Variants in MEMO1 observed in about 807,000 individuals in gnomAD.
MEMO1 encodes the protein mediator of cell motility 1.
Under a neutral mutation model 45.2 loss-of-function variants are expected in MEMO1, and 6 were observed. The observed-to-expected ratio is 0.13, with a 90% CI of 0.07 to 0.26. The LOEUF is 0.26. Ranked by LOEUF, MEMO1 falls within the 10% of genes least tolerant of loss-of-function variation. The pLI, the probability that MEMO1 is intolerant of heterozygous loss-of-function variation, is 1.00. For synonymous variants in MEMO1, 78 were observed against 124.3 expected, an observed-to-expected ratio of 0.63 and a Z score of 2.48; for missense variants, 184 against 370.5, an observed-to-expected ratio of 0.50 and a Z score of 4.13.
chr2:31,975,240 T>C (rs1419609202), intron 2 of MEMO1, among the ~76,000 whole-genome samples: 4 of 152,128 alleles, frequency 2.6e-5, no homozygotes, highest in African/African-American at 4.8e-5. Context: ...GTAAAACTAA[T>C]GTAAAAGAAT....
At chr2:31,978,503 T>C (rs1670270151) in intron 2 of MEMO1, among the ~76,000 whole-genome samples, 1 of 152,254 alleles carries the variant, frequency 6.6e-6, no homozygotes, top group African/African-American at 2.4e-5. Context: ...TGGAGTGCAG[T>C]GGCATGATCA....
chr2:31,966,375 G>A (rs572415128), intron 2 of MEMO1, among the ~76,000 whole-genome samples: 1 of 152,298 alleles, frequency 6.6e-6, no homozygotes, highest in Non-Finnish European at 1.5e-5. Flanking sequence ...GTTTGAAGCA[G>A]ACACCTTTCT....
At chr2:32,000,893 C>A (rs1010266776) in intron 2 of MEMO1, among the ~76,000 whole-genome samples, 2 of 151,966 alleles carry the variant, frequency 1.3e-5, no homozygotes, top group African/African-American at 4.8e-5. Flanking sequence ...AATGTAAACT[C>A]CAGGAATTTT....
intron 8 of MEMO1, among the ~76,000 whole-genome samples, chr2:31,871,215 A>T (rs1673673614): frequency 6.6e-6 from 1 of 152,178 alleles, no homozygotes; most frequent in African/African-American, 2.4e-5. Flanking sequence ...CTGGATTCAT[A>T]CTCTGTGGGA....
chr2:31,951,635 C>T (rs1003629953), intron 2 of MEMO1, among the ~76,000 whole-genome samples: 1 of 151,968 alleles, frequency 6.6e-6, no homozygotes, highest in Non-Finnish European at 1.5e-5. Flanking sequence ...CAGGTTCAAG[C>T]TATTCTCCTG....
chr2:31,895,171 A>T (rs1424775824), intron 6 of MEMO1, among the ~76,000 whole-genome samples: 4 of 152,244 alleles, frequency 2.6e-5, no homozygotes, highest in Non-Finnish European at 5.9e-5. Context: ...AACCGAATCC[A>T]AAGTTACTAT....
chr2:31,990,168 G>T (rs79424141), intron 2 of MEMO1, among the ~76,000 whole-genome samples: 55 of 152,132 alleles, frequency 3.6e-4, no homozygotes, highest in African/African-American at 1.3e-3. Context: ...TCTGGGTGAG[G>T]CCAGATTTTC....
rs1676663421 is a variant in MEMO1, at chr2:31,889,592, T to C, written c.580+2400A>G. ...GATAGCTTAACCCATAACTGGTCAA[T>C]AATTCATAATACTTTAGTCAGCATG... On this transcript the variant is annotated intron_variant, in intron 7 of 9. Coordinates refer to ENST00000404530, the MANE Select transcript of MEMO1 (RefSeq NM_001301833.4). Among the ~76,000 whole-genome samples the C allele has an allele frequency of 2.0e-5, 3 of 152,202 alleles. No homozygotes were observed. In the South Asian group the frequency reaches 6.2e-4, roughly 32 times the overall value.
intron 3 of MEMO1, among the ~76,000 whole-genome samples, chr2:31,938,913 A>G (rs114127436): frequency 0.012 from 1,881 of 150,920 alleles, 21 homozygotes; most frequent in South Asian, 0.024. Context: ...CAGCTTCTGG[A>G]GTAGCTGGGG....
intron 6 of MEMO1, among the ~76,000 whole-genome samples, chr2:31,900,278 C>T (rs1678581441): frequency 6.6e-6 from 1 of 152,176 alleles, no homozygotes; most frequent in Non-Finnish European, 1.5e-5. Flanking sequence ...TTGGAACCAA[C>T]CCAAATGTCC....
intron 2 of MEMO1, among the ~76,000 whole-genome samples, chr2:31,944,934 C>T (rs1171691044): frequency 1.3e-5 from 2 of 152,142 alleles, no homozygotes; most frequent in African/African-American, 4.8e-5. Context: ...TAAATCTTAA[C>T]ATTCTACCTT....
Position 31,952,714 on chromosome 2 carries a change from A to G in MEMO1, c.62-9331T>C, listed in dbSNP as rs552241485. On this transcript the variant is annotated intron_variant, in intron 2 of 9. Transcript: ENST00000404530. ...ATCAAAATATTTATTTTTGCTTGCT[A>G]TTTTTTCATTAGAAAAAAAGCATGC... Among the ~76,000 whole-genome samples the G allele has an allele frequency of 2.6e-5, 4 of 152,202 alleles. No homozygotes were observed. The South Asian group carries it at 8.3e-4, about 32-fold the overall frequency.
At chr2:31,949,524 T>A (rs1347318566) in intron 2 of MEMO1, among the ~76,000 whole-genome samples, 1 of 151,774 alleles carries the variant, frequency 6.6e-6, no homozygotes, top group Non-Finnish European at 1.5e-5. Flanking sequence ...CATGTTCTCA[T>A]TTATTTGTGG....
chr2:31,917,055 C>G (rs1681553452), intron 6 of MEMO1, among the ~76,000 whole-genome samples: 2 of 152,080 alleles, frequency 1.3e-5, no homozygotes, highest in South Asian at 2.1e-4. Flanking sequence ...TAAGCTACAT[C>G]AACATAAAAA....
chr2:31,992,571 T>A (rs1049493492), intron 2 of MEMO1, among the ~76,000 whole-genome samples: 1 of 152,044 alleles, frequency 6.6e-6, no homozygotes, highest in Non-Finnish European at 1.5e-5. Flanking sequence ...ATCACCTGAG[T>A]TCAGGAGTTC....
chr2:32,004,335 T>C (rs189721581), intron 2 of MEMO1, among the ~76,000 whole-genome samples: 23 of 149,760 alleles, frequency 1.5e-4, no homozygotes, highest in Non-Finnish European at 2.5e-4. Flanking sequence ...AACAGCCCAG[T>C]AGAAAAAAAG....
At chr2:31,881,033 TAAAAA>T (rs201867050) in intron 8 of MEMO1, among the ~76,000 whole-genome samples, 2 of 144,532 alleles carry the variant, frequency 1.4e-5, no homozygotes, top group Non-Finnish European at 3.1e-5. Flanking sequence ...CACAAAAAAA[TAAAAA>T]AAGAAAGAAA....
intron 2 of MEMO1, among the ~76,000 whole-genome samples, chr2:31,964,175 G>A (rs34077616): frequency 0.12 from 17,622 of 151,818 alleles, 1,093 homozygotes; most frequent in Middle Eastern, 0.2. Flanking sequence ...GAACACCATC[G>A]CAGCCTCCAC....
chr2:31,974,720 G>A (rs1669803352), intron 2 of MEMO1, among the ~76,000 whole-genome samples: 1 of 152,012 alleles, frequency 6.6e-6, no homozygotes, highest in South Asian at 2.1e-4. Flanking sequence ...AGCCAAGATT[G>A]CGCCATTGCA....
Sources: gnomAD v4.1 joint callset for allele counts (sites outside exome capture counted in the v4.1 genomes callset) on GRCh38, gnomAD v4.1.1 for gene constraint, MANE v1.5 for transcripts, NCBI Gene and HGNC (gene_info 2026-07-23, HGNC 2026-07-21) for gene names.